The following DYNC1I1 variants were observed in gnomAD, a reference collection of about 807,000 sequenced individuals.
The protein encoded by DYNC1I1 is cytoplasmic dynein 1 intermediate chain 1.
In DYNC1I1, 43 loss-of-function variants were observed where a neutral mutation model predicts 86.6. That is an observed-to-expected ratio of 0.50 (90% CI 0.39 to 0.64). DYNC1I1 has a LOEUF of 0.64. Ranked by LOEUF, DYNC1I1 falls within the 30% of genes least tolerant of loss-of-function variation. The probability of loss-of-function intolerance (pLI) is 0.00; values close to 1 mark genes in which losing one functional copy is unlikely to be tolerated. For missense variants in DYNC1I1, 604 were observed against 788.8 expected (o/e 0.77, Z 2.81); for synonymous variants, 262 against 283.7 (o/e 0.92, Z 0.77).
chr7:95,985,523 A>C (rs1793567812), intron 8 of DYNC1I1, among the ~76,000 whole-genome samples: 1 of 152,182 alleles, frequency 6.6e-6, no homozygotes, highest in South Asian at 2.1e-4. Context: ...AATAAAAGCA[A>C]GTGTCCCTAA....
At chr7:95,995,024 G>A (rs1426449059) in intron 9 of DYNC1I1, among the ~76,000 whole-genome samples, 2 of 152,076 alleles carry the variant, frequency 1.3e-5, no homozygotes, top group Admixed American at 6.5e-5. Flanking sequence ...GAGGCTGGTG[G>A]ATCACGAGGT....
At chr7:95,905,766 C>G (rs1377019540) in intron 6 of DYNC1I1, among the ~76,000 whole-genome samples, 1 of 151,728 alleles carries the variant, frequency 6.6e-6, no homozygotes, top group African/African-American at 2.4e-5. Flanking sequence ...TAAAATTTTG[C>G]CCATCCTTCA....
chr7:95,928,942 CT>C (rs1305160594), intron 6 of DYNC1I1, among the ~76,000 whole-genome samples: 10 of 152,176 alleles, frequency 6.6e-5, no homozygotes. Flanking sequence ...TCTTTCCTTT[CT>C]CCCTCCCTTC....
intron 6 of DYNC1I1, among the ~76,000 whole-genome samples, chr7:95,926,816 A>G (rs1367125427): frequency 6.6e-6 from 1 of 152,146 alleles, no homozygotes; most frequent in Non-Finnish European, 1.5e-5. Context: ...TATAATCATA[A>G]TGATCCACCT....
chr7:96,057,557 T>C (rs1789615394), intron 14 of DYNC1I1, among the ~76,000 whole-genome samples: 1 of 152,222 alleles, frequency 6.6e-6, no homozygotes, highest in Admixed American at 6.5e-5. Flanking sequence ...GGCTCAATAA[T>C]GCAACACTCC....
At chr7:95,791,260 G>C (rs892630403) in intron 1 of DYNC1I1, among the ~76,000 whole-genome samples, 1 of 152,126 alleles carries the variant, frequency 6.6e-6, no homozygotes, top group Non-Finnish European at 1.5e-5. Flanking sequence ...CAGCTGGATG[G>C]CTTAAATTTG....
intron 14 of DYNC1I1, among the ~76,000 whole-genome samples, chr7:96,043,859 G>A (rs889040080): frequency 5.9e-5 from 9 of 152,044 alleles, no homozygotes; most frequent in East Asian, 3.9e-4. Flanking sequence ...ACAGGTGCCC[G>A]CCACTACAAC....
intron 5 of DYNC1I1, among the ~76,000 whole-genome samples, chr7:95,844,702 G>T (rs1315083650): frequency 6.6e-6 from 1 of 152,046 alleles, no homozygotes; most frequent in Non-Finnish European, 1.5e-5. Flanking sequence ...GGGGGCCCCA[G>T]GACGGACTGG....
chr7:96,090,347 A>G (rs531492482), intron 16 of DYNC1I1, among the ~76,000 whole-genome samples: 1 of 151,476 alleles, frequency 6.6e-6, no homozygotes, highest in African/African-American at 2.4e-5. Context: ...AATATTTTAC[A>G]TGTTACTTTC....
At chr7:95,883,387 C>T (rs1790506605) in intron 6 of DYNC1I1, among the ~76,000 whole-genome samples, 1 of 152,082 alleles carries the variant, frequency 6.6e-6, no homozygotes, top group South Asian at 2.1e-4. Flanking sequence ...ATTAAAACGG[C>T]ATGTGGTTTA....
At chr7:95,839,084 G>T (rs1789200514) in intron 5 of DYNC1I1, among the ~76,000 whole-genome samples, 1 of 152,106 alleles carries the variant, frequency 6.6e-6, no homozygotes, top group Non-Finnish European at 1.5e-5. Context: ...AGGCTGGAGT[G>T]CAGTGGTGCG....
intron 6 of DYNC1I1, among the ~76,000 whole-genome samples, chr7:95,924,281 A>G (rs997054179): frequency 6.6e-6 from 1 of 152,172 alleles, no homozygotes; most frequent in Non-Finnish European, 1.5e-5. Context: ...TTCCAATACA[A>G]TAGCCACTAG....
rs191887965 is a variant in DYNC1I1 at position 95,865,577 on chromosome 7, C to T, written c.375-4306C>T. On this transcript the variant is annotated intron_variant, in intron 5 of 16. Transcript: ENST00000447467. ...GAGAGACATGAAAAAGAAGTGAATA[C>T]GGTCATGTGTCACATAATGATATTT... Among the ~76,000 whole-genome samples the T allele has an allele frequency of 3.9e-4, 60 of 152,286 alleles. 1 individual carries two copies. The East Asian group carries it at 8.7e-3, about 22-fold the overall frequency.
chr7:96,018,632 G>A (rs1370434255), intron 10 of DYNC1I1, among the ~76,000 whole-genome samples: 3 of 152,178 alleles, frequency 2.0e-5, no homozygotes, highest in Non-Finnish European at 2.9e-5. Flanking sequence ...CTGAAGAGAA[G>A]TTGGGACCTA....
At chr7:95,978,522 A>G (rs1320222484) in intron 7 of DYNC1I1, among the ~76,000 whole-genome samples, 1 of 152,226 alleles carries the variant, frequency 6.6e-6, no homozygotes, top group East Asian at 1.9e-4. Context: ...GCGGGACCTA[A>G]GAACTGTGTA....
At chr7:95,928,067 A>G (rs939379356) in intron 6 of DYNC1I1, among the ~76,000 whole-genome samples, 1 of 152,234 alleles carries the variant, frequency 6.6e-6, no homozygotes, top group Non-Finnish European at 1.5e-5. Flanking sequence ...ATCAGACCCT[A>G]CATTATGGAA....
chr7:95,832,958 A>G (rs1224402329), intron 5 of DYNC1I1, among the ~76,000 whole-genome samples: 1 of 151,630 alleles, frequency 6.6e-6, no homozygotes, highest in African/African-American at 2.4e-5. Flanking sequence ...TGCTGTGCAG[A>G]AGCTCTTTAG....
intron 5 of DYNC1I1, among the ~76,000 whole-genome samples, chr7:95,868,640 A>G (rs889985419): frequency 5.9e-5 from 9 of 152,144 alleles, no homozygotes; most frequent in African/African-American, 2.2e-4. Flanking sequence ...TACTAATAAC[A>G]TAATAACTAT....
rs115346431 is a variant in DYNC1I1, at chr7:95,871,358, G to A, written c.490+1360G>A. On this transcript the variant is annotated intron_variant, in intron 6 of 16. Coordinates refer to ENST00000447467, the MANE Select transcript of DYNC1I1 (RefSeq NM_001135556.2). Reference sequence around the variant, plus strand: ...GGCTGAAAATACAGTTAGCGAGGGGGAAAGAAAGAAAAGAAAAAGAAAATA... The same window carrying A: ...GGCTGAAAATACAGTTAGCGAGGGGAAAAGAAAGAAAAGAAAAAGAAAATA... Among the ~76,000 whole-genome samples the A allele has an allele frequency of 3.5e-3, 532 of 152,208 alleles. 3 individuals carry two copies. The highest frequency in any genetic ancestry group is 0.012 in the African/African-American group (517 of 41,532).
Sources: allele counts gnomAD v4.1 joint callset (sites outside exome capture counted in the v4.1 genomes callset), GRCh38; gene constraint gnomAD v4.1.1; transcripts MANE v1.5; gene names NCBI Gene and HGNC (gene_info 2026-07-23, HGNC 2026-07-21).